ENTPD1: variants seen among roughly 807,000 people sequenced by gnomAD.
ENTPD1 encodes ATP diphosphohydrolase.
ENTPD1 carries 33 observed loss-of-function variants against 57.0 expected under a neutral mutation model. The observed-to-expected ratio is 0.58, with a 90% CI of 0.44 to 0.77. The LOEUF is 0.77. Among genes scored for constraint, ENTPD1 ranks in the 30% least tolerant of loss-of-function variants. The pLI is 0.00. For missense variants in ENTPD1, 501 were observed against 603.4 expected (o/e 0.83, Z 1.78); for synonymous variants, 202 against 218.8 (o/e 0.92, Z 0.68).
rs560394652 is a variant in ENTPD1 at position 95,757,641 on chromosome 10, T to C, written c.16+1386T>C. ...AAGCAGGTATTGTTATTATGGTCTT[T>C]TGCAAAAAGGAGAAACTGAGGTCAG... On this transcript the variant is annotated intron_variant, in intron 1 of 9. Coordinates refer to ENST00000371205, the MANE Select transcript of ENTPD1 (RefSeq NM_001776.6). 3.3e-5 allele frequency among the ~76,000 whole-genome samples: 5 copies of C among 152,114 alleles called. No homozygotes were observed. In the East Asian group the frequency reaches 9.7e-4, roughly 29 times the overall value.
chr10:95,783,081 T>G (rs2098164401), intron 1 of ENTPD1, among the ~76,000 whole-genome samples: 1 of 152,068 alleles, frequency 6.6e-6, no homozygotes, highest in African/African-American at 2.4e-5. Flanking sequence ...CCTAGGGAGT[T>G]TCTTTGAGGA....
chr10:95,780,462 C>A (rs964581346), intron 1 of ENTPD1, among the ~76,000 whole-genome samples: 14 of 152,180 alleles, frequency 9.2e-5, no homozygotes, highest in African/African-American at 3.1e-4. Flanking sequence ...ACCTCAAGGT[C>A]TATTAAAGTT....
At chr10:95,859,142 T>C (rs1348745873) in intron 7 of ENTPD1, among the ~76,000 whole-genome samples, 2 of 152,178 alleles carry the variant, frequency 1.3e-5, no homozygotes, top group Non-Finnish European at 2.9e-5. Flanking sequence ...ATTAGATATA[T>C]ATGTATAAGA....
chr10:95,752,043 AG>A (rs570490446), upstream of ENTPD1, among the ~76,000 whole-genome samples: 6 of 152,304 alleles, frequency 3.9e-5, no homozygotes, highest in Non-Finnish European at 8.8e-5. Context: ...ATCAGACATG[AG>A]GGGGGTTCTG....
At chr10:95,783,023 G>A (rs912722734) in intron 1 of ENTPD1, among the ~76,000 whole-genome samples, 8 of 151,980 alleles carry the variant, frequency 5.3e-5, no homozygotes, top group Non-Finnish European at 1.0e-4. Context: ...TGGAAGCGGT[G>A]TGTGTGTGTG....
chr10:95,776,074 T>C (rs2098132772), intron 1 of ENTPD1, among the ~76,000 whole-genome samples: 1 of 152,242 alleles, frequency 6.6e-6, no homozygotes, highest in Non-Finnish European at 1.5e-5. Flanking sequence ...AGCAGACTGA[T>C]GGGTCTTGAC....
intron 2 of ENTPD1, among the ~76,000 whole-genome samples, chr10:95,828,599 C>A (rs145613474): frequency 6.6e-6 from 1 of 152,074 alleles, no homozygotes; most frequent in African/African-American, 2.4e-5. Context: ...AAGAATTCCT[C>A]CTAAGGCATA....
intron 1 of ENTPD1, among the ~76,000 whole-genome samples, chr10:95,758,717 T>C (rs914330462): frequency 6.6e-6 from 1 of 152,158 alleles, no homozygotes; most frequent in East Asian, 1.9e-4. Flanking sequence ...GGCAGAGTGG[T>C]GGGAGAGGGG....
chr10:95,741,554 G>T (rs1289889949), intron 1 of ENTPD1, among the ~76,000 whole-genome samples: 2 of 152,132 alleles, frequency 1.3e-5, no homozygotes, highest in South Asian at 4.2e-4. Flanking sequence ...TTCAATGCAG[G>T]GTCGCTACAA....
At chr10:95,709,710 C>T (rs1387062485), upstream of ENTPD1, among the ~76,000 whole-genome samples, 3 of 151,904 alleles carry the variant, frequency 2.0e-5, no homozygotes, top group Admixed American at 1.3e-4. Context: ...CCAAACCCAC[C>T]TTTCTTTTCC....
At chr10:95,700,398 G>A in the ENTPD1 span, among the ~76,000 whole-genome samples, 1 of 152,284 alleles carries the variant, frequency 6.6e-6, no homozygotes, top group South Asian at 2.1e-4. Context: ...GGAAATATTA[G>A]GAACTCACAC....
At chr10:95,824,950 A>G (rs2098368610) in intron 2 of ENTPD1, among the ~76,000 whole-genome samples, 1 of 152,206 alleles carries the variant, frequency 6.6e-6, no homozygotes, top group Non-Finnish European at 1.5e-5. Context: ...ATAGTTTTAT[A>G]TATGCAAACT....
chr10:95,805,793 T>C (rs192283629), intron 1 of ENTPD1, among the ~76,000 whole-genome samples: 2 of 152,328 alleles, frequency 1.3e-5, no homozygotes, highest in Non-Finnish European at 2.9e-5. Flanking sequence ...GAAAATTCTT[T>C]TCTTTAAGAA....
chr10:95,782,207 C>A (rs1397875254), intron 1 of ENTPD1, among the ~76,000 whole-genome samples: 1 of 152,198 alleles, frequency 6.6e-6, no homozygotes, highest in Non-Finnish European at 1.5e-5. Flanking sequence ...ACCCCTACAA[C>A]AACAATTTTT....
chr10:95,800,208 A>G (rs2098243210), intron 1 of ENTPD1, among the ~76,000 whole-genome samples: 1 of 152,124 alleles, frequency 6.6e-6, no homozygotes, highest in Non-Finnish European at 1.5e-5. Flanking sequence ...GAGTACAAAG[A>G]GAGAAATTTT....
At chr10:95,766,275 T>C (rs145934921) in intron 1 of ENTPD1, among the ~76,000 whole-genome samples, 1 of 152,322 alleles carries the variant, frequency 6.6e-6, no homozygotes, top group East Asian at 1.9e-4. Context: ...TTCTCTTATA[T>C]AACCACAGTA....
At chr10:95,862,423 A>G (rs1590204461) in intron 8 of ENTPD1, among the ~76,000 whole-genome samples, 1 of 152,298 alleles carries the variant, frequency 6.6e-6, no homozygotes. Context: ...TTCCTCCTAA[A>G]CACCTTTGGT....
At chr10:95,783,373 C>T (rs377625249) in intron 1 of ENTPD1, among the ~76,000 whole-genome samples, 14 of 152,266 alleles carry the variant, frequency 9.2e-5, no homozygotes, top group African/African-American at 3.4e-4. Flanking sequence ...GTACTTTCAG[C>T]TTCAAATGGA....
chr10:95,729,945 A>G lies in ENTPD1; in HGVS notation c.37+17952A>G, dbSNP rs190889372. Among the ~76,000 whole-genome samples, 3 of 152,362 alleles carry G rather than the reference A, an allele frequency of 2.0e-5. No individual in the cohort carries two copies. In the East Asian group the frequency reaches 5.8e-4, roughly 29 times the overall value. On this transcript the variant is annotated intron_variant, in intron 1 of 9. Transcript: ENST00000453258. ...CCCGATTCCTGATTTGTAGCAAGTC[A>G]GAAACACTGAAATCTCCACTTAGGA... is the stretch of plus-strand genomic sequence containing the variant.
Sources: gnomAD v4.1 joint callset for allele counts (sites outside exome capture counted in the v4.1 genomes callset) on GRCh38, gnomAD v4.1.1 for gene constraint, MANE v1.5 for transcripts, NCBI Gene and HGNC (gene_info 2026-07-23, HGNC 2026-07-21) for gene names.